BICC1: variants seen among roughly 807,000 people sequenced by gnomAD.
BICC1 encodes BicC family RNA binding protein 1, also known as protein bicaudal C homolog 1.
BICC1 carries 43 observed loss-of-function variants against 111.0 expected under a neutral mutation model. The ratio of observed to expected loss-of-function variants is 0.39; its 90% CI spans 0.30 to 0.50. The LOEUF is 0.50. BICC1 is among the 20% of genes least tolerant of loss of function. The probability of loss-of-function intolerance (pLI) is 0.88; values close to 1 mark genes in which losing one functional copy is unlikely to be tolerated. For missense variants in BICC1, 1,091 were observed against 1,203.2 expected (o/e 0.91, Z 1.38); for synonymous variants, 467 against 434.4 (o/e 1.07, Z -0.93).
intron 1 of BICC1, among the ~76,000 whole-genome samples, chr10:58,613,672 T>G (rs907634632): frequency 1.3e-5 from 2 of 152,184 alleles, no homozygotes; most frequent in Non-Finnish European, 2.9e-5. Flanking sequence ...AATAATTAAG[T>G]TTTTAGTGCA....
chr10:58,682,947 A>G (rs771530535), intron 2 of BICC1, among the ~76,000 whole-genome samples: 4 of 152,206 alleles, frequency 2.6e-5, no homozygotes, highest in African/African-American at 7.2e-5. Context: ...TTAGTCATGA[A>G]GTCCTTGCCC....
chr10:58,821,931 A>G (rs916315185), intron 20 of BICC1, among the ~76,000 whole-genome samples: 1 of 152,102 alleles, frequency 6.6e-6, no homozygotes, highest in South Asian at 2.1e-4. Flanking sequence ...CTTTCATGTG[A>G]TATCATCAGG....
chr10:58,715,530 C>G (rs1377825163), intron 3 of BICC1: 1 of 1,387,746 alleles, frequency 7.2e-7, no homozygotes, highest in East Asian at 2.3e-5. Flanking sequence ...CCTCGGCGTG[C>G]CACTGTGTGC....
chr10:58,736,100 G>C (rs990004480), intron 3 of BICC1, among the ~76,000 whole-genome samples: 12 of 152,306 alleles, frequency 7.9e-5, no homozygotes, highest in South Asian at 2.1e-4. Flanking sequence ...CCACAATTCA[G>C]ACCTGACACC....
rs200380038 is a variant in BICC1 at position 58,817,770 on chromosome 10, A to T, written c.2694+48A>T. 547 of 1,535,586 alleles carry T rather than the reference A, an allele frequency of 3.6e-4. 2 individuals are homozygous for T. The African/African-American group carries it at 6.5e-3, about 18-fold the overall frequency. On this transcript the variant is annotated intron_variant, in intron 19 of 20. Coordinates refer to ENST00000373886, the MANE Select transcript of BICC1 (RefSeq NM_001080512.3). ...AAGTATCTTTGTTTTGATTGTGTGT[A>T]TGATGACTTCTAGAATGAAATCACT...
chr10:58,530,490 T>C (rs1000721216), intron 1 of BICC1, among the ~76,000 whole-genome samples: 3 of 151,758 alleles, frequency 2.0e-5, no homozygotes, highest in Non-Finnish European at 2.9e-5. Flanking sequence ...CTTAGACGTA[T>C]AGATATCTAA....
chr10:58,570,592 A>G (rs1843917995), intron 1 of BICC1, among the ~76,000 whole-genome samples: 1 of 152,134 alleles, frequency 6.6e-6, no homozygotes, highest in African/African-American at 2.4e-5. Flanking sequence ...GCTTCTTTTC[A>G]GCTTTAGAAC....
chr10:58,585,953 A>ATG (rs1844415445), intron 1 of BICC1, among the ~76,000 whole-genome samples: 1 of 152,188 alleles, frequency 6.6e-6, no homozygotes. Context: ...AATACACAGT[A>ATG]TGTTAGTAGC....
rs180952822 is a variant in BICC1 at position 58,669,525 on chromosome 10, A to T, written c.238-32549A>T. ...TGTAGTTGCTAATTTTTGCAAAGAAAGACCTGGGGTGTTTTTATGTACAAA... is the reference window on the plus strand; with the variant it reads ...TGTAGTTGCTAATTTTTGCAAAGAATGACCTGGGGTGTTTTTATGTACAAA... On this transcript the variant is annotated intron_variant, in intron 2 of 20. Coordinates refer to ENST00000373886, the MANE Select transcript of BICC1 (RefSeq NM_001080512.3). Among the ~76,000 whole-genome samples, 335 of 152,212 alleles carry T rather than the reference A, an allele frequency of 2.2e-3. 2 individuals are homozygous for T. The highest frequency in any genetic ancestry group is 1.9e-3 in the Non-Finnish European group (128 of 67,972).
Position 58,789,801 on chromosome 10 carries a change from C to A in BICC1, c.915C>A (p.Ser305Arg). The change falls in exon 8 of 21, where the codon AGC becomes AGA. Residue 305 changes from serine to arginine, a missense_variant. Physicochemically the swap from Ser to Arg is moderately radical, Grantham distance 110. Coordinates refer to ENST00000373886, the MANE Select transcript of BICC1 (RefSeq NM_001080512.3). ...TCTTTATGATGGGTCGAAATGGGAG[C>A]AACATCAAACATATCATGCAGAGAA... ...HHLFMMGRNG[S>R]NIKHIMQRTG... 6.2e-7 allele frequency: 1 copy of A among 1,614,050 alleles called. No individual in the cohort carries two copies. Among genetic ancestry groups the A allele is most frequent in the Non-Finnish European group, 8.5e-7 (1 of 1,180,014 alleles).
At chr10:58,571,212 GGAA>G (rs1843939294) in intron 1 of BICC1, among the ~76,000 whole-genome samples, 1 of 152,110 alleles carries the variant, frequency 6.6e-6, no homozygotes, top group African/African-American at 2.4e-5. Context: ...TAATTTTATT[GGAA>G]GAAAACTTTG....
chr10:58,601,137 A>C (rs1231616422), intron 1 of BICC1, among the ~76,000 whole-genome samples: 1 of 32,086 alleles, frequency 3.1e-5, no homozygotes, highest in Non-Finnish European at 6.4e-5. Context: ...GTCATTTTAA[A>C]ACTTATATAT....
intron 6 of BICC1, 123 bp downstream of exon 6, chr10:58,788,546 CAA>C: frequency 3.2e-6 from 2 of 620,786 alleles, no homozygotes; most frequent in Non-Finnish European, 5.5e-6. Flanking sequence ...GAAATAGTGG[CAA>C]AAGTTATTTT....
At chr10:58,750,915 G>A (rs12255254) in intron 3 of BICC1, among the ~76,000 whole-genome samples, 1,752 of 152,168 alleles carry the variant, frequency 0.012, 36 homozygotes, top group African/African-American at 0.04. Context: ...TTCCTATTTC[G>A]TGTTTGTGTT....
At chr10:58,546,982 T>C (rs1843155397) in intron 1 of BICC1, among the ~76,000 whole-genome samples, 1 of 152,192 alleles carries the variant, frequency 6.6e-6, no homozygotes, top group South Asian at 2.1e-4. Context: ...GGTAAGATTT[T>C]GTCATTCATT....
chr10:58,807,401 T>C (rs1843743089), intron 17 of BICC1, among the ~76,000 whole-genome samples: 1 of 152,016 alleles, frequency 6.6e-6, no homozygotes, highest in African/African-American at 2.4e-5. Flanking sequence ...TGGATGTGAG[T>C]TTTTGTTGAG....
intron 2 of BICC1, among the ~76,000 whole-genome samples, chr10:58,624,011 A>C (rs1431711604): frequency 1.3e-5 from 2 of 152,140 alleles, no homozygotes; most frequent in African/African-American, 4.8e-5. Context: ...GTACTTTGAA[A>C]CTTTTTGTAT....
At chr10:58,826,515 G>A (rs968727967) in intron 20 of BICC1, among the ~76,000 whole-genome samples, 25 of 152,200 alleles carry the variant, frequency 1.6e-4, no homozygotes, top group African/African-American at 6.0e-4. Flanking sequence ...ACTTTGGGAG[G>A]CCAAGGCGGG....
intron 1 of BICC1, among the ~76,000 whole-genome samples, chr10:58,555,712 G>A (rs140002760): frequency 1.3e-4 from 20 of 152,258 alleles, no homozygotes; most frequent in African/African-American, 4.8e-4. Flanking sequence ...TGGCCAAGCA[G>A]GCTTGACTTC....
Sources: allele counts gnomAD v4.1 joint callset (sites outside exome capture counted in the v4.1 genomes callset), GRCh38; gene constraint gnomAD v4.1.1; transcripts MANE v1.5; gene names NCBI Gene and HGNC (gene_info 2026-07-23, HGNC 2026-07-21).